The following RAB11A variants were observed in gnomAD, a reference collection of about 807,000 sequenced individuals.
RAB11A encodes ras-related protein Rab-11A.
A neutral mutation model predicts 28.0 loss-of-function variants in RAB11A; 9 were observed. The observed-to-expected ratio is 0.32, with a 90% CI of 0.19 to 0.56. RAB11A has a LOEUF of 0.56. RAB11A is among the 20% of genes least tolerant of loss of function. The pLI is 0.91. For missense variants in RAB11A, 108 were observed against 269.6 expected (o/e 0.40, Z 4.20); for synonymous variants, 85 against 88.2 (o/e 0.96, Z 0.20).
In RAB11A at chr15:65,888,136, T is replaced by C. The variant is rs928586583; in HGVS notation, c.*296T>C. 1 of 248,866 alleles carries C rather than the reference T, an allele frequency of 4.0e-6. No individual in the cohort carries two copies. The highest frequency in any genetic ancestry group is 2.2e-5 in the African/African-American group (1 of 44,608). 15.4% of individuals were successfully genotyped at this position (248,866 alleles called of 1,614,324 possible). A position where few individuals can be genotyped will look rare whatever the true frequency, so the allele number is the denominator to read the frequency against. On this transcript the variant is annotated 3_prime_UTR_variant, in exon 5 of 5. Transcript: ENST00000261890. ...GCCTGTCACTGTATGTAGGACATAATAGAACTTGATCACTTGAAGCTCAGA... is the reference window on the plus strand; with the variant it reads ...GCCTGTCACTGTATGTAGGACATAACAGAACTTGATCACTTGAAGCTCAGA...
At position 65,879,774 on chromosome 15, in the gene RAB11A, A is replaced by G. The variant is rs369279663; in HGVS notation, c.511+23A>G. On this transcript the variant is annotated intron_variant, in intron 4 of 4. Coordinates refer to ENST00000261890, the MANE Select transcript of RAB11A (RefSeq NM_004663.5). ...CAGGTAAGACTTGTATTTTCAGATT[A>G]CACCAGTAGGACTAGAAGTTTTAGG... 1.5e-5 allele frequency: 22 copies of G among 1,495,628 alleles called. No homozygotes were observed. The African/African-American group carries it at 2.9e-4, about 20-fold the overall frequency. 92.6% of individuals were successfully genotyped at this position (1,495,628 alleles called of 1,614,324 possible).
intron 4 of RAB11A, among the ~76,000 whole-genome samples, chr15:65,881,543 A>G (rs947446898): frequency 3.9e-5 from 6 of 152,176 alleles, no homozygotes; most frequent in African/African-American, 7.2e-5. Context: ...GTTCCATCAA[A>G]TCTCCTCTGC....
Position 65,890,736 on chromosome 15 carries a change from C to T in RAB11A, c.*2896C>T, listed in dbSNP as rs1350953208. ...TGTTGTGATAATCTCTTCCATCTAC[C>T]TTAGAGAAGAAGCTGTACTATTTAG... On this transcript the variant is annotated 3_prime_UTR_variant, in exon 5 of 5. Coordinates refer to ENST00000261890, the MANE Select transcript of RAB11A (RefSeq NM_004663.5). The T allele has an allele frequency of 1.3e-5, 2 of 152,094 alleles. No homozygotes were observed. Among genetic ancestry groups the T allele is most frequent in the East Asian group, 3.9e-4 (2 of 5,186 alleles). 9.4% of individuals were successfully genotyped at this position (152,094 alleles called of 1,614,324 possible). A position where few individuals can be genotyped will look rare whatever the true frequency, so the allele number is the denominator to read the frequency against.
chr15:65,881,979 A>C (rs1272268221), intron 4 of RAB11A, among the ~76,000 whole-genome samples: 2 of 149,192 alleles, frequency 1.3e-5, no homozygotes, highest in Non-Finnish European at 3.0e-5. Flanking sequence ...TGAGCCTGGG[A>C]GGTTTAGGCT....
At chr15:65,875,342 C>T (rs182256772) in intron 1 of RAB11A, among the ~76,000 whole-genome samples, 18 of 152,062 alleles carry the variant, frequency 1.2e-4, no homozygotes, top group Admixed American at 1.3e-4. Flanking sequence ...AGCAAACATC[C>T]AGCCTTTTGT....
intron 1 of RAB11A, among the ~76,000 whole-genome samples, chr15:65,875,078 GT>G (rs1050594333): frequency 2.7e-5 from 4 of 148,710 alleles, no homozygotes; most frequent in African/African-American, 2.5e-5. Context: ...AGTGCTGGAA[GT>G]TTTTTTTTTG....
intron 3 of RAB11A, among the ~76,000 whole-genome samples, chr15:65,878,990 CTTT>C (rs35545905): frequency 4.7e-4 from 60 of 128,506 alleles, no homozygotes; most frequent in African/African-American, 9.0e-4. Flanking sequence ...CAATTTCTCA[CTTT>C]TTTTTTTTTT....
rs1266528251 is a variant in RAB11A, at chr15:65,877,966, G to A, written c.430+11G>A. Reference sequence around the variant, plus strand: ...CAAGAGCTTTTGCAGGTTAGTGATAGGAATTCCATGATATTTCTTACCATT... The same window carrying A: ...CAAGAGCTTTTGCAGGTTAGTGATAAGAATTCCATGATATTTCTTACCATT... On this transcript the variant is annotated intron_variant, in intron 3 of 4. Coordinates refer to ENST00000261890, the MANE Select transcript of RAB11A (RefSeq NM_004663.5). This position sits in a 1 kb window ranked among gnomAD's most constrained non-coding sequence, Gnocchi z 4.1. The A allele has an allele frequency of 6.2e-7, 1 of 1,601,266 alleles. No homozygotes were observed. Among genetic ancestry groups the A allele is most frequent in the Non-Finnish European group, 8.6e-7 (1 of 1,168,524 alleles).
rs1263754517 is a variant in RAB11A at position 65,869,599 on chromosome 15, A to G, written c.14A>G (p.Asp5Gly). ...CTCGGCCGCGCAATGGGCACCCGCG[A>G]CGACGAGTACGACTACCTCTTTAAA... is the stretch of plus-strand genomic sequence containing the variant. MGTR[D>G]DEYDYLFKVV... is the part of the protein sequence containing the mutation. Residue 5 changes from aspartate to glycine, a missense_variant, in exon 1 of 5, where the codon GAC becomes GGC. Physicochemically the swap from Asp to Gly is moderately conservative, Grantham distance 94. This residue lies in a region of RAB11A where 23 missense variants were observed against 123.7 expected (regional missense o/e 0.19). Transcript: ENST00000261890. The G allele has an allele frequency of 6.2e-7, 1 of 1,611,568 alleles. No individual in the cohort carries two copies. The highest frequency in any genetic ancestry group is 1.3e-5 in the African/African-American group (1 of 75,052).
chr15:65,891,947 G>T lies in RAB11A; in HGVS notation c.*4107G>T, dbSNP rs568575995. 6.6e-6 allele frequency: 1 copy of T among 151,976 alleles called. No homozygotes were observed. Among genetic ancestry groups the T allele is most frequent in the Non-Finnish European group, 1.5e-5 (1 of 67,978 alleles). The allele number at this position is 151,976 out of a possible 1,614,324, so 9.4% of individuals were successfully genotyped here. ...AAAAAAAACTGCTGGCTTTTAATATGTACTTTAAAATATACTCATGTCTGG... is the reference window on the plus strand; with the variant it reads ...AAAAAAAACTGCTGGCTTTTAATATTTACTTTAAAATATACTCATGTCTGG... On this transcript the variant is annotated 3_prime_UTR_variant, in exon 5 of 5. Coordinates refer to ENST00000261890, the MANE Select transcript of RAB11A (RefSeq NM_004663.5).
At chr15:65,870,317 C>A (rs760697876) in intron 1 of RAB11A, among the ~76,000 whole-genome samples, 8 of 152,238 alleles carry the variant, frequency 5.3e-5, no homozygotes, top group Admixed American at 3.3e-4. Flanking sequence ...TCTCTACCTT[C>A]CCTCCCCAAA....
chr15:65,870,689 A>G (rs907120592), intron 1 of RAB11A, among the ~76,000 whole-genome samples: 4 of 152,210 alleles, frequency 2.6e-5, no homozygotes. Context: ...GAAGAGCCCT[A>G]GTTAGCCACA....
chr15:65,884,348 A>G lies in RAB11A; in HGVS notation c.512-3353A>G, dbSNP rs1229572388. Among the ~76,000 whole-genome samples, 23 of 152,308 alleles carry G rather than the reference A, an allele frequency of 1.5e-4. No individual in the cohort carries two copies. The East Asian group carries it at 4.2e-3, about 28-fold the overall frequency. On this transcript the variant is annotated intron_variant, in intron 4 of 4. Coordinates refer to ENST00000261890, the MANE Select transcript of RAB11A (RefSeq NM_004663.5). ...CAAACTGGGAGGCTCTTCTTTTTCA[A>G]GTGTAAATTATGTGTGTAAATTAAG...
In RAB11A at chr15:65,877,773, G is replaced by C. The variant is rs1478967473; in HGVS notation, c.248G>C (p.Gly83Ala). Residue 83 changes from glycine to alanine, a missense_variant, in exon 3 of 5, where the codon GGA becomes GCA. Transcript: ENST00000261890. This position sits in a 1 kb window ranked among gnomAD's most constrained non-coding sequence, Gnocchi z 4.1. ...GTTTCTGTTTTCAGATATTATCGTG[G>C]AGCTGTAGGTGCCTTATTGGTTTAT... The part of the protein sequence containing the change: ...YRAITSAYYR[G>A]AVGALLVYDI... 6.3e-7 allele frequency: 1 copy of C among 1,596,438 alleles called. No individual in the cohort carries two copies. The highest frequency in any genetic ancestry group is 8.6e-7 in the Non-Finnish European group (1 of 1,168,150).
chr15:65,880,687 A>G (rs752600952), intron 4 of RAB11A, among the ~76,000 whole-genome samples: 6 of 152,198 alleles, frequency 3.9e-5, no homozygotes, highest in Admixed American at 6.5e-5. Context: ...CGTAAAGTCA[A>G]GGAGTTAAGA....
intron 1 of RAB11A, among the ~76,000 whole-genome samples, chr15:65,872,697 G>A (rs912165586): frequency 6.6e-6 from 1 of 152,124 alleles, no homozygotes; most frequent in Non-Finnish European, 1.5e-5. Flanking sequence ...GCCTCCCAAA[G>A]TGCTGGGATT....
chr15:65,884,963 G>T (rs1047469898), intron 4 of RAB11A, among the ~76,000 whole-genome samples: 21 of 133,826 alleles, frequency 1.6e-4, no homozygotes, highest in African/African-American at 4.9e-4. Flanking sequence ...CGCCCCCACC[G>T]TTTTTTTTTT....
At chr15:65,871,709 A>T (rs2078161798) in intron 1 of RAB11A, among the ~76,000 whole-genome samples, 1 of 152,104 alleles carries the variant, frequency 6.6e-6, no homozygotes, top group Non-Finnish European at 1.5e-5. Flanking sequence ...AATCACGTAG[A>T]CCTCGGTTTA....
At chr15:65,878,400 G>A (rs1181929435) in intron 3 of RAB11A, among the ~76,000 whole-genome samples, 1 of 152,148 alleles carries the variant, frequency 6.6e-6, no homozygotes, top group Non-Finnish European at 1.5e-5. Flanking sequence ...TGAAAGTCTT[G>A]CGGCCGGGCG....
Sources: allele counts gnomAD v4.1 joint callset (sites outside exome capture counted in the v4.1 genomes callset), GRCh38; gene constraint gnomAD v4.1.1; regional missense constraint gnomAD v4.1.1; non-coding constraint Gnocchi (gnomAD v3.1); transcripts MANE v1.5; gene names NCBI Gene and HGNC (gene_info 2026-07-23, HGNC 2026-07-21).